HS6ST3: variants seen among roughly 807,000 people sequenced by gnomAD.
HS6ST3 encodes heparan sulfate 6-O-sulfotransferase 3.
In HS6ST3, 12 loss-of-function variants were observed where a neutral mutation model predicts 36.7. The observed-to-expected ratio is 0.33, with a 90% confidence interval of 0.21 to 0.53. The LOEUF (loss-of-function observed/expected upper bound fraction) is 0.53, where lower values mean the gene tolerates loss of function less well. Ranked by LOEUF, HS6ST3 falls within the 20% of genes least tolerant of loss-of-function variation. HS6ST3 has a pLI of 0.95. For missense variants in HS6ST3, 584 were observed against 640.9 expected (o/e 0.91, Z 0.96); for synonymous variants, 240 against 257.5 (o/e 0.93, Z 0.65).
At chr13:96,741,744 T>C (rs376568152) in intron 1 of HS6ST3, among the ~76,000 whole-genome samples, 6 of 152,322 alleles carry the variant, frequency 3.9e-5, no homozygotes, top group African/African-American at 1.2e-4. Flanking sequence ...CTTTGAAATA[T>C]ACAATGTCAT....
intron 1 of HS6ST3, among the ~76,000 whole-genome samples, chr13:96,428,766 C>T (rs1319840784): frequency 6.6e-6 from 1 of 151,736 alleles, no homozygotes; most frequent in Non-Finnish European, 1.5e-5. Context: ...AAGATTTAAC[C>T]AGGAATGCAA....
intron 1 of HS6ST3, among the ~76,000 whole-genome samples, chr13:96,275,260 G>C (rs977011018): frequency 3.3e-5 from 5 of 152,048 alleles, no homozygotes; most frequent in Non-Finnish European, 7.4e-5. Flanking sequence ...TTTACCCCCT[G>C]CTTCAGAATT....
chr13:96,777,240 G>T (rs555818993), intron 1 of HS6ST3, among the ~76,000 whole-genome samples: 30 of 152,286 alleles, frequency 2.0e-4, no homozygotes, highest in Admixed American at 1.7e-3. Context: ...ATAGCATACT[G>T]AAGGGGCAAA....
chr13:96,642,374 A>T (rs1188894812), intron 1 of HS6ST3, among the ~76,000 whole-genome samples: 8 of 151,774 alleles, frequency 5.3e-5, no homozygotes, highest in Non-Finnish European at 1.5e-5. Context: ...CATCATTTTG[A>T]ATTTATCATA....
In HS6ST3 at chr13:96,122,509, T is replaced by C. The variant is rs144369955; in HGVS notation, c.707+30940T>C. ...ATTGTTGTATAGGAAATTACACTGA[T>C]GCAATGTTAGCTTTCGAATACACTA... On this transcript the variant is annotated intron_variant, in intron 1 of 1. Transcript: ENST00000376705. Among the ~76,000 whole-genome samples, 567 of 152,304 alleles carry C rather than the reference T, an allele frequency of 3.7e-3. 3 individuals are homozygous for C. The highest frequency in any genetic ancestry group is 0.013 in the African/African-American group (546 of 41,564).
intron 1 of HS6ST3, among the ~76,000 whole-genome samples, chr13:96,398,114 G>A (rs1354309714): frequency 6.6e-6 from 1 of 152,086 alleles, no homozygotes; most frequent in Admixed American, 6.6e-5. Flanking sequence ...CTATCTTATA[G>A]GGTCATTGTG....
chr13:96,414,939 G>A (rs377403016), intron 1 of HS6ST3, among the ~76,000 whole-genome samples: 1 of 151,956 alleles, frequency 6.6e-6, no homozygotes, highest in African/African-American at 2.4e-5. Context: ...CTTGATATTC[G>A]TGCAAGAAAT....
chr13:96,440,991 T>C (rs2055668161), intron 1 of HS6ST3, among the ~76,000 whole-genome samples: 1 of 152,140 alleles, frequency 6.6e-6, no homozygotes, highest in Non-Finnish European at 1.5e-5. Context: ...GTGGGAACTT[T>C]GGAGGATGAT....
At chr13:96,091,647 C>T in intron 1 of HS6ST3, 78 bp downstream of exon 1, 1 of 1,450,388 alleles carries the variant, frequency 6.9e-7, no homozygotes, top group Non-Finnish European at 9.1e-7. Flanking sequence ...AGAGCGACCC[C>T]GCGCTCCCTG....
At chr13:96,527,538 A>C (rs2056119103) in intron 1 of HS6ST3, among the ~76,000 whole-genome samples, 1 of 152,228 alleles carries the variant, frequency 6.6e-6, no homozygotes, top group Admixed American at 6.5e-5. Context: ...AGTAGAGCAG[A>C]GTACGAGAAT....
intron 1 of HS6ST3, among the ~76,000 whole-genome samples, chr13:96,562,900 T>A (rs1270009713): frequency 6.6e-6 from 1 of 151,834 alleles, no homozygotes; most frequent in Non-Finnish European, 1.5e-5. Context: ...AAGGTCAGGA[T>A]AGGAGAGAAA....
intron 1 of HS6ST3, among the ~76,000 whole-genome samples, chr13:96,807,865 CAAA>C (rs59485746): frequency 4.6e-5 from 4 of 86,290 alleles, no homozygotes; most frequent in Admixed American, 1.3e-4. Flanking sequence ...GACTCCAACT[CAAA>C]AAAAAAAAAA....
intron 1 of HS6ST3, among the ~76,000 whole-genome samples, chr13:96,232,415 G>A (rs1048578821): frequency 6.6e-6 from 1 of 152,172 alleles, no homozygotes; most frequent in Admixed American, 6.5e-5. Context: ...GTCCTACAAA[G>A]GTAGGAGAGT....
intron 1 of HS6ST3, among the ~76,000 whole-genome samples, chr13:96,310,440 G>T (rs985730844): frequency 3.3e-5 from 5 of 152,196 alleles, no homozygotes; most frequent in Admixed American, 6.5e-5. Context: ...TTGGATACAG[G>T]TAGAAAGTTT....
rs973566658 is a variant in HS6ST3, at chr13:96,426,860, A to G, written c.707+335291A>G. Among the ~76,000 whole-genome samples the G allele has an allele frequency of 7.2e-5, 11 of 152,300 alleles. No homozygotes were observed. In the East Asian group the frequency reaches 2.1e-3, roughly 29 times the overall value. On this transcript the variant is annotated intron_variant, in intron 1 of 1. Coordinates refer to ENST00000376705, the MANE Select transcript of HS6ST3 (RefSeq NM_153456.4). Reference sequence around the variant, plus strand: ...GGTGATACATGCTTACTCCTGAATAAATGATAAATATGACTGCCTATCTTT... The same window carrying G: ...GGTGATACATGCTTACTCCTGAATAGATGATAAATATGACTGCCTATCTTT...
chr13:96,164,292 T>G (rs1275785592), intron 1 of HS6ST3, among the ~76,000 whole-genome samples: 1 of 152,152 alleles, frequency 6.6e-6, no homozygotes, highest in Non-Finnish European at 1.5e-5. Flanking sequence ...TGCAGTAACA[T>G]GCTGCTTTCA....
Position 96,090,722 on chromosome 13 carries a change from C to A in HS6ST3, c.-141C>A. On this transcript the variant is annotated 5_prime_UTR_variant, in exon 1 of 2. Coordinates refer to ENST00000376705, the MANE Select transcript of HS6ST3 (RefSeq NM_153456.4). Reference sequence around the variant, plus strand: ...CGAGGGCCGCGGGGCCGCCAGCCAGCCACACGCCTCGGCGTCAGGGGCATG... The same window carrying A: ...CGAGGGCCGCGGGGCCGCCAGCCAGACACACGCCTCGGCGTCAGGGGCATG... 1 of 482,546 alleles carries A rather than the reference C, an allele frequency of 2.1e-6. No homozygotes were observed. The highest frequency in any genetic ancestry group is 3.0e-6 in the Non-Finnish European group (1 of 331,864). 29.9% of individuals were successfully genotyped at this position (482,546 alleles called of 1,614,324 possible).
intron 1 of HS6ST3, among the ~76,000 whole-genome samples, chr13:96,454,644 G>GT (rs2055746046): frequency 6.6e-6 from 1 of 151,638 alleles, no homozygotes; most frequent in African/African-American, 2.4e-5. Context: ...AAACATTTAG[G>GT]TTTTTTTAAT....
At chr13:96,200,932 C>G (rs1225935276) in intron 1 of HS6ST3, among the ~76,000 whole-genome samples, 1 of 152,202 alleles carries the variant, frequency 6.6e-6, no homozygotes, top group Non-Finnish European at 1.5e-5. Context: ...ACCCTTGGGC[C>G]TGTCAGGACA....
Sources: gnomAD v4.1 joint callset for allele counts (sites outside exome capture counted in the v4.1 genomes callset) on GRCh38, gnomAD v4.1.1 for gene constraint, MANE v1.5 for transcripts, NCBI Gene and HGNC (gene_info 2026-07-23, HGNC 2026-07-21) for gene names.